Variants in ADGRL2 observed in about 807,000 individuals in gnomAD.
ADGRL2 encodes calcium-independent alpha-latrotoxin receptor 2.
In ADGRL2, 44 loss-of-function variants were observed where a neutral mutation model predicts 157.4. The observed-to-expected ratio is 0.28, with a 90% CI of 0.22 to 0.36. The LOEUF is 0.36. Among genes scored for constraint, ADGRL2 ranks in the 10% least tolerant of loss-of-function variants. The pLI, the probability that ADGRL2 is intolerant of heterozygous loss-of-function variation, is 1.00. For synonymous variants in ADGRL2, 585 were observed against 624.7 expected (o/e 0.94, Z 0.95); for missense variants, 1,510 against 1,768.9 (o/e 0.85, Z 2.63).
intron 17 of ADGRL2, among the ~76,000 whole-genome samples, chr1:81,975,307 T>A (rs1254652941): frequency 6.6e-6 from 1 of 152,144 alleles, no homozygotes; most frequent in East Asian, 1.9e-4. Context: ...TGTGCGCAGC[T>A]GTAACTCCAC....
intron 2 of ADGRL2, among the ~76,000 whole-genome samples, chr1:81,576,694 G>C (rs2080804474): frequency 6.6e-6 from 1 of 151,950 alleles, no homozygotes. Context: ...TTGCAACATT[G>C]GCAACCAGTG....
At position 81,449,990 on chromosome 1, in the gene ADGRL2, A is replaced by G. The variant is rs180924562; in HGVS notation, c.-248+4901A>G. 1.1e-3 allele frequency among the ~76,000 whole-genome samples: 164 copies of G among 152,244 alleles called. 1 individual carries two copies. The highest frequency in any genetic ancestry group is 3.7e-3 in the African/African-American group (153 of 41,546). On this transcript the variant is annotated intron_variant, in intron 2 of 24. Coordinates refer to the ADGRL2 transcript ENST00000370721. Reference sequence around the variant, plus strand: ...AAAACCAGAGTCTCTGAGGCTTATCAAGCACGAGCATTCCACCACCGATGA... The same window carrying G: ...AAAACCAGAGTCTCTGAGGCTTATCGAGCACGAGCATTCCACCACCGATGA...
Position 81,933,752 on chromosome 1 carries a change from G to C in ADGRL2, c.288-2976G>C, listed in dbSNP as rs189927850. Among the ~76,000 whole-genome samples, 298 of 152,070 alleles carry C rather than the reference G, an allele frequency of 2.0e-3. 4 individuals carry two copies. The highest frequency in any genetic ancestry group is 6.9e-3 in the African/African-American group (285 of 41,504). ...TCTATTTGGAAACTTAATGCTGCTT[G>C]CACCCTTTATAAAGGAATATAAATG... On this transcript the variant is annotated intron_variant, in intron 3 of 23. Transcript: ENST00000686636.
chr1:81,835,554 T>C (rs1187503543), intron 1 of ADGRL2, among the ~76,000 whole-genome samples: 1 of 152,170 alleles, frequency 6.6e-6, no homozygotes, highest in Non-Finnish European at 1.5e-5. Context: ...CAGCTAGTTT[T>C]GCAGGGATGC....
chr1:81,979,174 C>T (rs1660984417), intron 17 of ADGRL2, among the ~76,000 whole-genome samples: 1 of 151,676 alleles, frequency 6.6e-6, no homozygotes, highest in Non-Finnish European at 1.5e-5. Flanking sequence ...TTCCATCTTC[C>T]TCATTTTGCT....
At chr1:81,801,487 G>A (rs1162041156) in intron 1 of ADGRL2, among the ~76,000 whole-genome samples, 1 of 152,178 alleles carries the variant, frequency 6.6e-6, no homozygotes, top group Non-Finnish European at 1.5e-5. Flanking sequence ...GGGCGAAATC[G>A]GGAGCTTACC....
chr1:81,905,933 G>A (rs1348644149), intron 2 of ADGRL2, among the ~76,000 whole-genome samples: 1 of 147,568 alleles, frequency 6.8e-6, no homozygotes, highest in African/African-American at 2.5e-5. Context: ...GTCAGGAGAT[G>A]GAGAAAAAAG....
intron 3 of ADGRL2, among the ~76,000 whole-genome samples, chr1:81,605,220 C>T (rs565111186): frequency 9.2e-5 from 14 of 152,182 alleles, no homozygotes; most frequent in African/African-American, 3.4e-4. Flanking sequence ...CAGCCCTGCC[C>T]CTGGAGATTC....
chr1:81,980,001 A>T (rs1488612336), intron 18 of ADGRL2, 41 bp downstream of exon 18: 2 of 1,062,364 alleles, frequency 1.9e-6, no homozygotes, highest in Non-Finnish European at 2.9e-6. Context: ...TGACAAACTA[A>T]GTAAAAGATA....
chr1:81,919,572 T>C (rs2094933594), intron 3 of ADGRL2, among the ~76,000 whole-genome samples: 1 of 152,010 alleles, frequency 6.6e-6, no homozygotes. Flanking sequence ...TTTTAAGTTT[T>C]ACTCTTGGTA....
chr1:81,872,054 T>TA (rs1418337478), intron 2 of ADGRL2, among the ~76,000 whole-genome samples: 1 of 152,230 alleles, frequency 6.6e-6, no homozygotes, highest in Non-Finnish European at 1.5e-5. Flanking sequence ...CTAGGGTTTT[T>TA]ATGGTTTTAG....
At chr1:81,541,549 G>A (rs527747655) in intron 2 of ADGRL2, among the ~76,000 whole-genome samples, 1 of 152,244 alleles carries the variant, frequency 6.6e-6, no homozygotes, top group Non-Finnish European at 1.5e-5. Flanking sequence ...CAAACATAGG[G>A]TGTTTGCTTT....
chr1:81,429,276 A>AC (rs2077276812), intron 1 of ADGRL2, among the ~76,000 whole-genome samples: 1 of 151,932 alleles, frequency 6.6e-6, no homozygotes, highest in Non-Finnish European at 1.5e-5. Context: ...GGCTACTGTT[A>AC]CCTTTTTTTT....
In ADGRL2 at chr1:81,370,403, C is replaced by T. The variant is rs146466033; in HGVS notation, c.-302+63894C>T. 3.0e-3 allele frequency among the ~76,000 whole-genome samples: 458 copies of T among 152,148 alleles called. 7 individuals carry two copies. The South Asian group carries it at 0.048, about 16-fold the overall frequency. On this transcript the variant is annotated intron_variant, in intron 1 of 24. Transcript: ENST00000370721. ...CTGTTTGTTGCTAACAGAAAATCAT[C>T]CTAATTTTATCTAGGGGAATGCTTT...
chr1:81,862,394 A>T (rs1192410784), intron 2 of ADGRL2, among the ~76,000 whole-genome samples: 1 of 152,170 alleles, frequency 6.6e-6, no homozygotes, highest in African/African-American at 2.4e-5. Flanking sequence ...TGTGGCCTAT[A>T]AATTTTAGCC....
intron 2 of ADGRL2, among the ~76,000 whole-genome samples, chr1:81,519,479 T>C (rs953521560): frequency 6.6e-6 from 1 of 152,122 alleles, no homozygotes; most frequent in Non-Finnish European, 1.5e-5. Context: ...AATAGTTGTA[T>C]AACAAAAGAT....
intron 2 of ADGRL2, among the ~76,000 whole-genome samples, chr1:81,852,340 A>G (rs1430045107): frequency 6.6e-6 from 1 of 152,086 alleles, no homozygotes; most frequent in Non-Finnish European, 1.5e-5. Flanking sequence ...ACAGATGAAA[A>G]ACCTTCCAGG....
At chr1:81,361,859 C>T (rs1461791680) in intron 1 of ADGRL2, among the ~76,000 whole-genome samples, 1 of 151,830 alleles carries the variant, frequency 6.6e-6, no homozygotes, top group Non-Finnish European at 1.5e-5. Context: ...AGAGACAACC[C>T]CATGAAACCT....
At chr1:81,869,802 T>A (rs1238400812) in intron 2 of ADGRL2, among the ~76,000 whole-genome samples, 1 of 152,062 alleles carries the variant, frequency 6.6e-6, no homozygotes, top group Non-Finnish European at 1.5e-5. Flanking sequence ...TTTTTTTTAA[T>A]TAAAATTTTT....
Sources: allele counts gnomAD v4.1 joint callset (sites outside exome capture counted in the v4.1 genomes callset), GRCh38; gene constraint gnomAD v4.1.1; transcripts MANE v1.5; gene names NCBI Gene and HGNC (gene_info 2026-07-23, HGNC 2026-07-21).